LRMDA: variants seen among roughly 807,000 people sequenced by gnomAD.
LRMDA encodes leucine rich melanocyte differentiation associated.
LRMDA carries 18 observed loss-of-function variants against 29.8 expected under a neutral mutation model. The observed-to-expected ratio is 0.60, with a 90% confidence interval of 0.42 to 0.90. The LOEUF is 0.90. Among genes scored for constraint, LRMDA ranks in the 40% least tolerant of loss-of-function variants. LRMDA has a pLI of 0.00. For synonymous variants in LRMDA, 125 were observed against 109.4 expected, an observed-to-expected ratio of 1.14 and a Z score of -0.89; for missense variants, 273 against 273.9, an observed-to-expected ratio of 1.00 and a Z score of 0.02.
chr10:76,527,021 T>A (rs866161742), intron 6 of LRMDA, among the ~76,000 whole-genome samples: 112 of 58,666 alleles, frequency 1.9e-3, no homozygotes, highest in Middle Eastern at 0.029. Flanking sequence ...AATAAATAAA[T>A]AAAAATGCCC....
intron 5 of LRMDA, among the ~76,000 whole-genome samples, chr10:76,126,044 C>T (rs1849876064): frequency 6.6e-6 from 1 of 152,294 alleles, no homozygotes; most frequent in Non-Finnish European, 1.5e-5. Flanking sequence ...CATTTAGGAC[C>T]TTTCATTGGG....
intron 5 of LRMDA, among the ~76,000 whole-genome samples, chr10:76,092,172 G>A (rs1340752298): frequency 6.6e-6 from 1 of 152,204 alleles, no homozygotes; most frequent in East Asian, 1.9e-4. Context: ...TAGCTAGTGT[G>A]CACTTAAATG....
chr10:75,589,182 G>T (rs1432862093), intron 2 of LRMDA, among the ~76,000 whole-genome samples: 1 of 152,178 alleles, frequency 6.6e-6, no homozygotes, highest in African/African-American at 2.4e-5. Context: ...TTGCCAAATT[G>T]TACTCCTCAG....
chr10:75,600,580 G>A (rs939655075), intron 2 of LRMDA, among the ~76,000 whole-genome samples: 18 of 152,322 alleles, frequency 1.2e-4, no homozygotes, highest in Admixed American at 3.3e-4. Context: ...TCATGAGCAG[G>A]TCAAAGTGCC....
intron 6 of LRMDA, among the ~76,000 whole-genome samples, chr10:76,518,840 A>G (rs890983400): frequency 2.0e-5 from 3 of 152,224 alleles, no homozygotes; most frequent in African/African-American, 7.2e-5. Context: ...GGACATATGT[A>G]GAACTGTGCA....
At chr10:75,748,080 C>T (rs1842910222) in intron 2 of LRMDA, among the ~76,000 whole-genome samples, 1 of 151,886 alleles carries the variant, frequency 6.6e-6, no homozygotes, top group African/African-American at 2.4e-5. Flanking sequence ...AAGTAACAGG[C>T]TTTTATTGTT....
At chr10:76,316,366 C>T (rs1002985417) in intron 5 of LRMDA, among the ~76,000 whole-genome samples, 3 of 152,086 alleles carry the variant, frequency 2.0e-5, no homozygotes, top group East Asian at 3.9e-4. Flanking sequence ...CCTGCCCCAC[C>T]GCAGCCAGCA....
At chr10:76,204,594 A>C (rs1224725544) in intron 5 of LRMDA, among the ~76,000 whole-genome samples, 1 of 152,232 alleles carries the variant, frequency 6.6e-6, no homozygotes, top group Non-Finnish European at 1.5e-5. Flanking sequence ...ATGTCCTCAG[A>C]TGGTATAGGG....
At chr10:75,789,132 C>T (rs905579259) in intron 2 of LRMDA, among the ~76,000 whole-genome samples, 2 of 152,240 alleles carry the variant, frequency 1.3e-5, no homozygotes, top group Admixed American at 6.5e-5. Context: ...CTCATTCAGA[C>T]ACTTCTAGCT....
intron 2 of LRMDA, among the ~76,000 whole-genome samples, chr10:75,748,492 A>G (rs1304552616): frequency 6.6e-6 from 1 of 152,180 alleles, no homozygotes; most frequent in Admixed American, 6.5e-5. Context: ...CTTTTGCCTA[A>G]TAATTACACT....
At chr10:76,516,078 A>G (rs1277857774) in intron 6 of LRMDA, among the ~76,000 whole-genome samples, 1 of 152,194 alleles carries the variant, frequency 6.6e-6, no homozygotes, top group South Asian at 2.1e-4. Context: ...TATTTGTAGC[A>G]CAGATCCTTC....
At chr10:76,125,474 T>G (rs1849862923) in intron 5 of LRMDA, among the ~76,000 whole-genome samples, 2 of 152,230 alleles carry the variant, frequency 1.3e-5, no homozygotes, top group East Asian at 1.9e-4. Flanking sequence ...AATTGGATTT[T>G]GAATATTTTT....
intron 5 of LRMDA, among the ~76,000 whole-genome samples, chr10:76,136,464 C>T (rs547391272): frequency 6.6e-6 from 1 of 152,168 alleles, no homozygotes; most frequent in African/African-American, 2.4e-5. Flanking sequence ...TTTATATTAT[C>T]TGGTTCACAT....
chr10:76,260,785 C>T (rs1402653237), intron 5 of LRMDA: 1 of 152,076 alleles, frequency 6.6e-6, no homozygotes, highest in Non-Finnish European at 1.5e-5. Flanking sequence ...TTTTCTGCAC[C>T]CTTTTCCTTC....
intron 5 of LRMDA, among the ~76,000 whole-genome samples, chr10:76,069,060 A>G (rs1848832759): frequency 6.6e-6 from 1 of 152,198 alleles, no homozygotes; most frequent in African/African-American, 2.4e-5. Flanking sequence ...AGAACATCCA[A>G]GTTCCCAGAC....
At chr10:75,575,720 G>A (rs776454936) in intron 2 of LRMDA, among the ~76,000 whole-genome samples, 5 of 152,212 alleles carry the variant, frequency 3.3e-5, no homozygotes, top group Non-Finnish European at 5.9e-5. Flanking sequence ...CCCAAGGAGG[G>A]TGAGCCGAAG....
At chr10:76,061,129 C>T (rs1848695246) in intron 5 of LRMDA, among the ~76,000 whole-genome samples, 1 of 152,102 alleles carries the variant, frequency 6.6e-6, no homozygotes, top group African/African-American at 2.4e-5. Context: ...CCTAAATGCC[C>T]ATCAGTGACA....
At chr10:75,523,677 T>A (rs1335144761) in intron 2 of LRMDA, among the ~76,000 whole-genome samples, 1 of 152,184 alleles carries the variant, frequency 6.6e-6, no homozygotes, top group East Asian at 1.9e-4. Flanking sequence ...AAAACAGGCA[T>A]AACCTGAAAC....
intron 2 of LRMDA, among the ~76,000 whole-genome samples, chr10:75,611,524 A>C: frequency 6.6e-6 from 1 of 150,884 alleles, no homozygotes; most frequent in African/African-American, 2.4e-5. Flanking sequence ...CTATTTCCCC[A>C]CTCCCCTCCT....
Sources: allele counts gnomAD v4.1 joint callset (sites outside exome capture counted in the v4.1 genomes callset), GRCh38; gene constraint gnomAD v4.1.1; transcripts MANE v1.5; gene names NCBI Gene and HGNC (gene_info 2026-07-23, HGNC 2026-07-21).